Variants in TTN observed in about 807,000 individuals in gnomAD.
The protein encoded by TTN is titin.
TTN carries 1,525 observed loss-of-function variants against 3,223.0 expected under a neutral mutation model. The observed-to-expected ratio is 0.47, with a 90% CI of 0.45 to 0.49. TTN has a LOEUF of 0.49. Ranked by LOEUF, TTN falls within the 20% of genes least tolerant of loss-of-function variation. TTN has a pLI of 0.00. For missense variants in TTN, 40,786 were observed against 43,424.0 expected (o/e 0.94, Z 5.40); for synonymous variants, 14,094 against 15,161.0 (o/e 0.93, Z 5.17).
chr2:178,527,356 T>A (rs779838941), intron 362 of TTN, 49 bp from the exon 363 acceptor site: 13 of 1,561,790 alleles, frequency 8.3e-6, no homozygotes, highest in Non-Finnish European at 1.1e-5. Context: ...CTGAAAAAAA[T>A]AAAGATTTGC....
At chr2:178,652,954 A>C in intron 199 of TTN, 23 bp from the exon 200 acceptor site, 1 of 1,602,658 alleles carries the variant, frequency 6.2e-7, no homozygotes, top group African/African-American at 1.4e-5. Flanking sequence ...TAGTGAAATT[A>C]CATTTAGAAG....
At chr2:178,631,972 T>C (rs1477281738) in intron 236 of TTN, among the ~76,000 whole-genome samples, 175 bp downstream of exon 236, 1 of 152,108 alleles carries the variant, frequency 6.6e-6, no homozygotes, top group African/African-American at 2.4e-5. Flanking sequence ...CATTAACTTA[T>C]AGTAATGAAG....
At chr2:178,748,886 C>T (rs910731035) in intron 47 of TTN, 3 of 1,612,356 alleles carry the variant, frequency 1.9e-6, no homozygotes, top group Non-Finnish European at 1.7e-6. Context: ...ATTTAGATTG[C>T]TTGATCTTGA....
rs2050784325 is a variant in TTN, at chr2:178,593,878, A to G, written c.58433-11T>C. The G allele has an allele frequency of 6.2e-7, 1 of 1,607,078 alleles. No individual in the cohort carries two copies. Among genetic ancestry groups the G allele is most frequent in the Non-Finnish European group, 8.5e-7 (1 of 1,178,234 alleles). The stretch of plus-strand genomic sequence containing the variant: ...GTGGTCCAGGACGGTCTGCAGAAAA[A>G]AAAAATCATGGCACAAAATGTTATT... On this transcript the variant is annotated splice_polypyrimidine_tract_variant and intron_variant, in intron 297 of 362. Coordinates refer to ENST00000589042, the MANE Select transcript of TTN (RefSeq NM_001267550.2).
chr2:178,732,794 T>A (rs1337439168), intron 55 of TTN, 40 bp downstream of exon 55: 1 of 1,573,142 alleles, frequency 6.4e-7, no homozygotes, highest in Non-Finnish European at 8.6e-7. Context: ...AATTTGAACA[T>A]AATCTTTAAT....
At position 178,582,596 on chromosome 2, in the gene TTN, A is replaced by G. The variant is rs2154178294; in HGVS notation, c.65864-4T>C. On this transcript the variant is annotated splice_region_variant and splice_polypyrimidine_tract_variant and intron_variant, in intron 313 of 362. Transcript: ENST00000589042. ...GATGCTGGAGGACCCGGTTTATCTGAAGGAATAAGGAAGAAGAGTGAATAT... is the reference window on the plus strand; with the variant it reads ...GATGCTGGAGGACCCGGTTTATCTGGAGGAATAAGGAAGAAGAGTGAATAT... 1 of 1,596,558 alleles carries G rather than the reference A, an allele frequency of 6.3e-7. No homozygotes were observed. Among genetic ancestry groups the G allele is most frequent in the East Asian group, 2.2e-5 (1 of 44,608 alleles).
At position 178,565,708 on chromosome 2, in the gene TTN, G is replaced by A. The variant is rs373341944; in HGVS notation, c.80424C>T (p.Gly26808=). The A allele has an allele frequency of 3.9e-5, 63 of 1,613,400 alleles. No individual in the cohort carries two copies. The African/African-American group carries it at 5.6e-4, about 14-fold the overall frequency. ...SLMWEKPEHD[G]GSRVLGYVVE... The stretch of plus-strand genomic sequence containing the variant: ...CAACGTACCCCAGGACTCTGCTACC[G>A]CCATCATGTTCAGGTTTCTCCCACA... Residue 26808 remains glycine (G), a synonymous_variant, in exon 326 of 363, where the codon GGC becomes GGT. Coordinates refer to ENST00000589042, the MANE Select transcript of TTN (RefSeq NM_001267550.2).
rs912394060 is a variant in TTN, at chr2:178,580,699, A to AT, written c.66770-91dup. The stretch of plus-strand genomic sequence containing the variant: ...GCCTTGTCACTCCTAAAATACATTT[A>AT]TTTTCTAGAGCTGATTTCTTGTTCT... On this transcript the variant is annotated intron_variant, in intron 316 of 362. Coordinates refer to ENST00000589042, the MANE Select transcript of TTN (RefSeq NM_001267550.2). 1.4e-5 allele frequency: 17 copies of AT among 1,237,594 alleles called. No individual in the cohort carries two copies. In the African/African-American group the frequency reaches 2.2e-4, roughly 16 times the overall value. The allele number at this position is 1,237,594 out of a possible 1,614,324, so 76.7% of individuals were successfully genotyped here. A position where few individuals can be genotyped will look rare whatever the true frequency, so the allele number is the denominator to read the frequency against.
At position 178,740,955 on chromosome 2, in the gene TTN, G is replaced by A. The variant is rs1337895531; in HGVS notation, c.12278C>T (p.Ser4093Phe). Residue 4093 changes from serine to phenylalanine, a missense_variant, in exon 48 of 363, where the codon TCT (serine) becomes TTT (phenylalanine). Transcript: ENST00000589042. ...ATTGGCTTTAGCAATATGCTCATAAGATAGTTGCTGGTTTTCTTCTGTAAT... is the reference window on the plus strand; with the variant it reads ...ATTGGCTTTAGCAATATGCTCATAAAATAGTTGCTGGTTTTCTTCTGTAAT... ...ALITEENQQL[S>F]YEHIAKANEL... 1 of 1,613,926 alleles carries A rather than the reference G, an allele frequency of 6.2e-7. No homozygotes were observed. The highest frequency in any genetic ancestry group is 8.5e-7 in the Non-Finnish European group (1 of 1,179,844).
rs1330725368 is a variant in TTN at position 178,647,038 on chromosome 2, AT to A, written c.40222+25del. 12 of 852,604 alleles carry A rather than the reference AT, an allele frequency of 1.4e-5. No homozygotes were observed. The East Asian group carries it at 1.5e-4, about 10-fold the overall frequency. The allele number at this position is 852,604 out of a possible 1,614,324, so 52.8% of individuals were successfully genotyped here. ...CAGGAATCTTCAGGAGATTAAAAAA[AT>A]GTATATATATATATATATATATACC... On this transcript the variant is annotated intron_variant, in intron 215 of 362. Transcript: ENST00000589042.
rs780761095 is a variant in TTN at position 178,663,884 on chromosome 2, T to A, written c.36383A>T (p.Glu12128Val). 4 of 1,613,262 alleles carry A rather than the reference T, an allele frequency of 2.5e-6. No individual in the cohort carries two copies. In the Admixed American group the frequency reaches 6.7e-5, roughly 27 times the overall value. ...PPVKVPEASK[E>V]VIREEKVPLA... ...GGGCACTTTCTCTTCGCGGATAACC[T>A]CTTTGGAAGCTTCTGGCACTTGAAA... Residue 12128 changes from glutamate to valine, a missense_variant, in exon 170 of 363, where the codon GAG (glutamate) becomes GTG (valine). Glu to Val is a moderately radical substitution (Grantham distance 121, BLOSUM62 -2). Transcript: ENST00000589042.
At chr2:178,638,722 C>T (rs541202117) in intron 223 of TTN, among the ~76,000 whole-genome samples, 127 of 151,972 alleles carry the variant, frequency 8.4e-4, no homozygotes, top group African/African-American at 2.8e-3. Context: ...CCACCACCAC[C>T]GCCCCCGCTT....
Position 178,605,040 on chromosome 2 carries a change from G to T in TTN, c.54137C>A (p.Thr18046Asn). 1.2e-6 allele frequency: 2 copies of T among 1,610,470 alleles called. No individual in the cohort carries two copies. The highest frequency in any genetic ancestry group is 2.2e-5 in the South Asian group (2 of 90,764). ...VREDKGTYTVTASNRLGSVFR... is the reference protein window; with the variant it reads ...VREDKGTYTVNASNRLGSVFR... ...CACTGAGCCAAGGCGATTGGAAGCA[G>T]TAACTGTGTAAGTGCCTTTGTCCTC... The change falls in exon 280 of 363, where the codon ACT (threonine) becomes AAT (asparagine). Residue 18046 changes from threonine to asparagine, a missense_variant. Physicochemically the swap from Thr to Asn is moderately conservative, Grantham distance 65. Coordinates refer to ENST00000589042, the MANE Select transcript of TTN (RefSeq NM_001267550.2).
Position 178,782,328 on chromosome 2 carries a change from T to G in TTN, c.3264A>C (p.Pro1088=). The G allele has an allele frequency of 1.2e-6, 2 of 1,614,132 alleles. No homozygotes were observed. Among genetic ancestry groups the G allele is most frequent in the Non-Finnish European group, 8.5e-7 (1 of 1,180,010 alleles). ...CACCTTCCACCAGTTTCTGGACCAC[T>G]GGTTTTGTAATAAAGTAAGGCGCGG... ...EPAAPYFITK[P]VVQKLVEGGS... The change falls in exon 20 of 363, where the codon CCA becomes CCC. Residue 1088 remains proline, a synonymous_variant. Transcript: ENST00000589042.
rs2077320416 is a variant in TTN, at chr2:178,715,318, A to G, written c.25922-54T>C. 3 of 1,530,604 alleles carry G rather than the reference A, an allele frequency of 2.0e-6. No individual in the cohort carries two copies. In the Admixed American group the frequency reaches 6.5e-5, roughly 33 times the overall value. The allele number at this position is 1,530,604 out of a possible 1,614,324, so 94.8% of individuals were successfully genotyped here. ...TGTATTCTGTAAGTATATAGTTAAA[A>G]GTAAGAATCAATCTTCCACTCCATC... On this transcript the variant is annotated intron_variant, in intron 89 of 362. Transcript: ENST00000589042.
In TTN at chr2:178,601,574, G is replaced by A. The variant is rs761020988; in HGVS notation, c.55433-10C>T. On this transcript the variant is annotated splice_polypyrimidine_tract_variant and intron_variant, in intron 286 of 362. Coordinates refer to ENST00000589042, the MANE Select transcript of TTN (RefSeq NM_001267550.2). ...GGTGGGCCTGGTACATCTGTTGGATGTAAATCACAATATAAGCAACGTTCC... is the reference window on the plus strand; with the variant it reads ...GGTGGGCCTGGTACATCTGTTGGATATAAATCACAATATAAGCAACGTTCC... 1.2e-6 allele frequency: 2 copies of A among 1,604,256 alleles called. No homozygotes were observed. Among genetic ancestry groups the A allele is most frequent in the East Asian group, 4.5e-5 (2 of 44,668 alleles).
Position 178,799,529 on chromosome 2 carries a change from G to A in TTN, c.872C>T (p.Ser291Phe), listed in dbSNP as rs371807407. Reference sequence around the variant, plus strand: ...CGGTGCCCGCACGTGTCTGACCGGGGAAGGGGAGTGTCTTATGGGCGATGG... The same window carrying A: ...CGGTGCCCGCACGTGTCTGACCGGGAAAGGGGAGTGTCTTATGGGCGATGG... ...QSPSPIRHSPSPVRHVRAPTP... is the reference protein window; with the variant it reads ...QSPSPIRHSPFPVRHVRAPTP... Residue 291 changes from serine (S) to phenylalanine (F), a missense_variant, in exon 6 of 363, where the codon TCC (serine) becomes TTC (phenylalanine). Transcript: ENST00000589042. 3 of 1,614,170 alleles carry A rather than the reference G, an allele frequency of 1.9e-6. No individual in the cohort carries two copies. The highest frequency in any genetic ancestry group is 1.1e-5 in the South Asian group (1 of 91,082).
Position 178,773,655 on chromosome 2 carries a change from C to A in TTN, c.7401G>T (p.Lys2467Asn), listed in dbSNP as rs757495201. The A allele has an allele frequency of 1.9e-6, 3 of 1,613,868 alleles. No individual in the cohort carries two copies. Among genetic ancestry groups the A allele is most frequent in the Non-Finnish European group, 2.5e-6 (3 of 1,179,966 alleles). Residue 2467 changes from lysine (K) to asparagine (N), a missense_variant, in exon 32 of 363, where the codon AAG becomes AAT. Coordinates refer to ENST00000589042, the MANE Select transcript of TTN (RefSeq NM_001267550.2). ...CAGAAGTCACATCAGGGACTGACAC[C>A]TTACATTCAAGCACAGCCTTGGTGC... ...IEGTKAVLEC[K>N]VSVPDVTSVK... is the part of the protein sequence containing the mutation.
rs2154130935 is a variant in TTN at position 178,528,382 on chromosome 2, A to G, written c.107269T>C (p.Tyr35757His). Reference sequence around the variant, plus strand: ...GATGCATTTCGGATTTCAAGGGAGTATACATTTCTGGAGCGGCTTATGCTG... The same window carrying G: ...GATGCATTTCGGATTTCAAGGGAGTGTACATTTCTGGAGCGGCTTATGCTG... Reference protein sequence around the residue: ...NVSISRSRNVYSLEIRNASVS... With the variant: ...NVSISRSRNVHSLEIRNASVS... Residue 35757 changes from tyrosine (Y) to histidine (H), a missense_variant, in exon 361 of 363, where the codon TAC becomes CAC. Tyr to His is a moderately conservative substitution (Grantham distance 83, BLOSUM62 2). Coordinates refer to ENST00000589042, the MANE Select transcript of TTN (RefSeq NM_001267550.2). 2 of 1,614,012 alleles carry G rather than the reference A, an allele frequency of 1.2e-6. No individual in the cohort carries two copies. Among genetic ancestry groups the G allele is most frequent in the South Asian group, 1.1e-5 (1 of 91,090 alleles).
Sources: gnomAD v4.1 joint callset for allele counts (sites outside exome capture counted in the v4.1 genomes callset) on GRCh38, gnomAD v4.1.1 for gene constraint, MANE v1.5 for transcripts, NCBI Gene and HGNC (gene_info 2026-07-23, HGNC 2026-07-21) for gene names.